The following HDX variants were observed in gnomAD, a reference collection of about 807,000 sequenced individuals.
HDX encodes the protein highly divergent homeobox.
In HDX, 19 loss-of-function variants were observed where a neutral mutation model predicts 45.2. That is an observed-to-expected ratio of 0.42 (90% CI 0.29 to 0.62). The LOEUF (loss-of-function observed/expected upper bound fraction) is 0.62, where lower values mean the gene tolerates loss of function less well. Ranked by LOEUF, HDX falls within the 20% of genes least tolerant of loss-of-function variation. The probability of loss-of-function intolerance (pLI) is 0.20; values close to 1 mark genes in which losing one functional copy is unlikely to be tolerated. For missense variants in HDX, 532 were observed against 493.9 expected (o/e 1.08, Z -0.73); for synonymous variants, 188 against 172.8 (o/e 1.09, Z -0.69).
At chrX:84,499,459 T>A (rs781319888) in intron 1 of HDX, among the ~76,000 whole-genome samples, 1 of 111,941 alleles carries the variant, frequency 8.9e-6, no homozygotes, top group Admixed American at 9.5e-5. Flanking sequence ...TTGGTCTATG[T>A]GTAAATGTCT....
chrX:84,388,848 G>T (rs940182854), intron 5 of HDX, among the ~76,000 whole-genome samples: 1 of 111,597 alleles, frequency 9.0e-6, no homozygotes, highest in Non-Finnish European at 1.9e-5. Context: ...GGAGCTAGTG[G>T]GTAAGGGACA....
intron 5 of HDX, among the ~76,000 whole-genome samples, chrX:84,379,967 C>T (rs1434500104): frequency 9.1e-6 from 1 of 110,254 alleles, no homozygotes; most frequent in African/African-American, 3.3e-5. Flanking sequence ...CATTGACAAA[C>T]CTTTAGCGAC....
chrX:84,329,349 T>C (rs183894733), intron 9 of HDX, among the ~76,000 whole-genome samples: 1 of 111,899 alleles, frequency 8.9e-6, no homozygotes, highest in East Asian at 2.8e-4. Context: ...GGTTTATTAA[T>C]ACATACATTA....
At chrX:84,337,064 C>A in intron 7 of HDX, among the ~76,000 whole-genome samples, 184 bp from the exon 8 acceptor site, 1 of 110,283 alleles carries the variant, frequency 9.1e-6, no homozygotes, top group Non-Finnish European at 1.9e-5. Flanking sequence ...GGGATGGGGG[C>A]AAATACAAGG....
At chrX:84,363,364 T>C (rs2037667116) in intron 5 of HDX, among the ~76,000 whole-genome samples, 2 of 112,084 alleles carry the variant, frequency 1.8e-5, no homozygotes, top group South Asian at 7.3e-4. Flanking sequence ...AGCATAAATA[T>C]TCCCATTATT....
intron 3 of HDX, among the ~76,000 whole-genome samples, chrX:84,472,074 T>G (rs994527426): frequency 9.2e-6 from 1 of 108,831 alleles, no homozygotes; most frequent in Non-Finnish European, 1.9e-5. Context: ...ATTCAAGAAC[T>G]ATGACATCTG....
chrX:84,461,306 A>G (rs940790384), intron 4 of HDX, among the ~76,000 whole-genome samples: 1 of 111,616 alleles, frequency 9.0e-6, no homozygotes, highest in African/African-American at 3.3e-5. Flanking sequence ...ATAGCATGAT[A>G]CTGGCATAAG....
chrX:84,501,343 CT>C (rs1292278036), intron 1 of HDX: 2 of 111,277 alleles, frequency 1.8e-5, no homozygotes, highest in African/African-American at 6.5e-5. Context: ...AGAAGATGGA[CT>C]CAGCACCAAA....
intron 7 of HDX, among the ~76,000 whole-genome samples, chrX:84,338,123 C>T (rs1165338705): frequency 9.0e-6 from 1 of 110,715 alleles, no homozygotes; most frequent in Non-Finnish European, 1.9e-5. Context: ...GAAGTCTATT[C>T]CTTTTCATGG....
chrX:84,450,968 AT>A (rs1313974103), intron 4 of HDX, among the ~76,000 whole-genome samples: 3 of 112,064 alleles, frequency 2.7e-5, no homozygotes, highest in Non-Finnish European at 5.6e-5. Context: ...TAAAGAGAAA[AT>A]TTTTTAAAAG....
intron 4 of HDX, among the ~76,000 whole-genome samples, chrX:84,461,323 C>G (rs1183140066): frequency 9.0e-6 from 1 of 110,987 alleles, no homozygotes; most frequent in African/African-American, 3.3e-5. Context: ...TAAGAACATA[C>G]ACATAGACAA....
intron 1 of HDX, among the ~76,000 whole-genome samples, chrX:84,499,838 A>G (rs1404686411): frequency 8.9e-6 from 1 of 111,862 alleles, no homozygotes; most frequent in Non-Finnish European, 1.9e-5. Flanking sequence ...TAGGAAAGTG[A>G]CAACCAATAT....
intron 5 of HDX, among the ~76,000 whole-genome samples, chrX:84,425,092 AT>A (rs1385479310): frequency 9.0e-6 from 1 of 111,546 alleles, no homozygotes; most frequent in Admixed American, 9.5e-5. Context: ...TAACCAGAAT[AT>A]ATAAGGAGCT....
intron 5 of HDX, among the ~76,000 whole-genome samples, chrX:84,428,926 A>G: frequency 9.1e-6 from 1 of 110,067 alleles, no homozygotes; most frequent in Non-Finnish European, 1.9e-5. Context: ...CATTTTTTGC[A>G]TGGGGATATT....
intron 1 of HDX, among the ~76,000 whole-genome samples, chrX:84,495,228 G>A (rs1184832907): frequency 1.8e-5 from 2 of 111,059 alleles, no homozygotes; most frequent in Non-Finnish European, 3.8e-5. Flanking sequence ...TGTTGATCAA[G>A]GAATACAAAA....
rs1367467953 is a variant in HDX at position 84,402,384 on chromosome X, G to T, written c.1305+38148C>A. On this transcript the variant is annotated intron_variant, in intron 5 of 10. Transcript: ENST00000373177. ...GTATTAAATATTATAGTACCATATAGAATAGTTTGACTATCATAACAAATA... is the reference window on the plus strand; with the variant it reads ...GTATTAAATATTATAGTACCATATATAATAGTTTGACTATCATAACAAATA... Among the ~76,000 whole-genome samples the T allele has an allele frequency of 4.5e-5, 5 of 111,492 alleles. No individual in the cohort carries two copies. In the East Asian group the frequency reaches 1.4e-3, roughly 32 times the overall value.
At chrX:84,369,817 A>T (rs2037850042) in intron 5 of HDX, among the ~76,000 whole-genome samples, 1 of 112,007 alleles carries the variant, frequency 8.9e-6, no homozygotes, top group Admixed American at 9.5e-5. Context: ...ATTGAGTTGT[A>T]GGAGTTGTAA....
chrX:84,367,745 G>A (rs929847705), intron 5 of HDX, among the ~76,000 whole-genome samples: 8 of 111,713 alleles, frequency 7.2e-5, no homozygotes, highest in South Asian at 3.8e-4. Context: ...GCAAACTAAC[G>A]CAGGAACAGA....
At chrX:84,416,582 C>G (rs753446272) in intron 5 of HDX, among the ~76,000 whole-genome samples, 4 of 110,934 alleles carry the variant, frequency 3.6e-5, no homozygotes, top group Non-Finnish European at 7.6e-5. Context: ...GGAATTATAT[C>G]TTATTATTTT....
Sources: allele counts gnomAD v4.1 joint callset (sites outside exome capture counted in the v4.1 genomes callset), GRCh38; gene constraint gnomAD v4.1.1; transcripts MANE v1.5; gene names NCBI Gene and HGNC (gene_info 2026-07-23, HGNC 2026-07-21).